Variants in GULP1 observed in about 807,000 individuals in gnomAD.
GULP1 encodes the protein GULP PTB domain containing engulfment adaptor 1.
GULP1 carries 19 observed loss-of-function variants against 40.9 expected under a neutral mutation model. The observed-to-expected ratio is 0.46, with a 90% CI of 0.32 to 0.68. GULP1 has a LOEUF of 0.68. Ranked by LOEUF, GULP1 falls within the 30% of genes least tolerant of loss-of-function variation. The pLI is 0.03. For synonymous variants in GULP1, 119 were observed against 117.6 expected (o/e 1.01, Z -0.08); for missense variants, 312 against 362.2 (o/e 0.86, Z 1.12).
intron 4 of GULP1, among the ~76,000 whole-genome samples, chr2:188,515,907 T>C (rs1016937254): frequency 6.6e-6 from 1 of 152,206 alleles, no homozygotes; most frequent in Non-Finnish European, 1.5e-5. Flanking sequence ...TTTTATCAAA[T>C]AATCTATGTC....
chr2:188,343,785 C>T (rs1389352066), intron 1 of GULP1, among the ~76,000 whole-genome samples: 1 of 152,058 alleles, frequency 6.6e-6, no homozygotes, highest in African/African-American at 2.4e-5. Flanking sequence ...TAATAATTTC[C>T]TCTCAACTTT....
At chr2:188,441,766 T>C (rs2057955408) in intron 2 of GULP1, among the ~76,000 whole-genome samples, 1 of 152,190 alleles carries the variant, frequency 6.6e-6, no homozygotes, top group Non-Finnish European at 1.5e-5. Context: ...TGTGGTTTGG[T>C]TAAATGAGCC....
intron 3 of GULP1, among the ~76,000 whole-genome samples, chr2:188,480,174 T>A (rs2061336902): frequency 6.6e-6 from 1 of 152,098 alleles, no homozygotes; most frequent in Non-Finnish European, 1.5e-5. Flanking sequence ...GATGAAAAAC[T>A]TAAATTGTTT....
intron 1 of GULP1, among the ~76,000 whole-genome samples, chr2:188,353,241 A>T (rs979526149): frequency 2.0e-5 from 3 of 152,198 alleles, no homozygotes; most frequent in Non-Finnish European, 4.4e-5. Flanking sequence ...ATGAAAGCTG[A>T]CATTTACCAA....
chr2:188,379,598 C>G (rs2048748741), intron 1 of GULP1, among the ~76,000 whole-genome samples: 1 of 152,112 alleles, frequency 6.6e-6, no homozygotes, highest in Non-Finnish European at 1.5e-5. Context: ...ATATGATCTT[C>G]CTAAATACAT....
intron 7 of GULP1, among the ~76,000 whole-genome samples, chr2:188,556,702 T>A (rs1485298847): frequency 3.3e-5 from 5 of 152,192 alleles, no homozygotes; most frequent in Non-Finnish European, 7.3e-5. Flanking sequence ...TTGAATTTAC[T>A]TTTTGTGGGG....
At chr2:188,475,178 C>G (rs982874801) in intron 2 of GULP1, among the ~76,000 whole-genome samples, 15 of 152,048 alleles carry the variant, frequency 9.9e-5, no homozygotes, top group Admixed American at 8.5e-4. Context: ...GTGTAGAGTG[C>G]ACATTGCATC....
At chr2:188,307,312 A>G (rs900709871) in intron 1 of GULP1, among the ~76,000 whole-genome samples, 1 of 152,210 alleles carries the variant, frequency 6.6e-6, no homozygotes, top group Non-Finnish European at 1.5e-5. Flanking sequence ...AAAGATAAAA[A>G]TTAGGATACA....
intron 2 of GULP1, among the ~76,000 whole-genome samples, chr2:188,438,031 T>C (rs1412331834): frequency 6.6e-6 from 1 of 152,022 alleles, no homozygotes; most frequent in Non-Finnish European, 1.5e-5. Context: ...GACATGAGTT[T>C]ACCAGTATAA....
chr2:188,480,261 C>T (rs573385637), intron 3 of GULP1, among the ~76,000 whole-genome samples: 14 of 151,992 alleles, frequency 9.2e-5, no homozygotes, highest in Non-Finnish European at 1.9e-4. Context: ...ATTTAAGTCA[C>T]GTTTCCAAAA....
At chr2:188,439,625 A>G (rs2057742273) in intron 2 of GULP1, among the ~76,000 whole-genome samples, 1 of 151,990 alleles carries the variant, frequency 6.6e-6, no homozygotes, top group African/African-American at 2.4e-5. Context: ...GTGTTCTGTA[A>G]TGTTATACAC....
intron 1 of GULP1, among the ~76,000 whole-genome samples, chr2:188,344,548 C>T (rs140047343): frequency 2.6e-4 from 39 of 152,266 alleles, no homozygotes; most frequent in African/African-American, 7.7e-4. Flanking sequence ...GATAAGAAGG[C>T]GAGTATTTGC....
intron 10 of GULP1, among the ~76,000 whole-genome samples, chr2:188,587,236 A>G (rs1702578310): frequency 6.6e-6 from 1 of 152,124 alleles, no homozygotes; most frequent in Admixed American, 6.5e-5. Flanking sequence ...AGCTTTTTTG[A>G]CATTGCATTC....
At chr2:188,437,618 G>A (rs541456852) in intron 2 of GULP1, among the ~76,000 whole-genome samples, 11 of 152,072 alleles carry the variant, frequency 7.2e-5, no homozygotes, top group Admixed American at 2.6e-4. Context: ...ATAAAGACAC[G>A]TACATGTGAA....
chr2:188,336,262 G>A (rs979189333), intron 1 of GULP1, among the ~76,000 whole-genome samples: 27 of 152,306 alleles, frequency 1.8e-4, no homozygotes, highest in African/African-American at 6.0e-4. Flanking sequence ...AGATTGCGTG[G>A]TTGGGAATCA....
chr2:188,377,847 A>G (rs1158684480), intron 1 of GULP1, among the ~76,000 whole-genome samples: 3 of 152,190 alleles, frequency 2.0e-5, no homozygotes, highest in Non-Finnish European at 4.4e-5. Flanking sequence ...ATTAAAATAA[A>G]TTTTTAAAAC....
intron 4 of GULP1, 93 bp from the exon 5 acceptor site, chr2:188,522,663 T>A: frequency 1.5e-6 from 1 of 666,872 alleles, no homozygotes. Context: ...TGCATTACTA[T>A]TAAACCATTC....
chr2:188,432,547 A>G (rs1292968975), intron 2 of GULP1, among the ~76,000 whole-genome samples: 1 of 152,050 alleles, frequency 6.6e-6, no homozygotes, highest in Non-Finnish European at 1.5e-5. Context: ...ATCAAAAATT[A>G]CACAAATATA....
intron 1 of GULP1, among the ~76,000 whole-genome samples, chr2:188,357,518 G>C (rs528466293): frequency 6.6e-6 from 1 of 152,096 alleles, no homozygotes; most frequent in African/African-American, 2.4e-5. Context: ...ACCACAGTTA[G>C]AATTACTATT....
Sources: allele counts gnomAD v4.1 joint callset (sites outside exome capture counted in the v4.1 genomes callset), GRCh38; gene constraint gnomAD v4.1.1; transcripts MANE v1.5; gene names NCBI Gene and HGNC (gene_info 2026-07-23, HGNC 2026-07-21).